Variants in PTPRN2 observed in about 807,000 individuals in gnomAD.
PTPRN2 encodes receptor-type tyrosine-protein phosphatase N2.
A neutral mutation model predicts 118.8 loss-of-function variants in PTPRN2; 74 were observed. The observed-to-expected ratio is 0.62, with a 90% CI of 0.52 to 0.76. The LOEUF (loss-of-function observed/expected upper bound fraction) is 0.76. Ranked by LOEUF, PTPRN2 falls within the 30% of genes least tolerant of loss-of-function variation. PTPRN2 has a pLI of 0.00. For synonymous variants in PTPRN2, 641 were observed against 608.0 expected, an observed-to-expected ratio of 1.05 and a Z score of -0.80; for missense variants, 1,481 against 1,394.4, an observed-to-expected ratio of 1.06 and a Z score of -0.99.
chr7:158,164,368 G>A (rs1822705586), intron 6 of PTPRN2, among the ~76,000 whole-genome samples: 1 of 37,316 alleles, frequency 2.7e-5, no homozygotes, highest in South Asian at 7.0e-4. Flanking sequence ...GGCACGCAGA[G>A]CAGGAGGGTG....
At chr7:158,336,799 T>C (rs377178478) in intron 2 of PTPRN2, among the ~76,000 whole-genome samples, 290 of 47,224 alleles carry the variant, frequency 6.1e-3, no homozygotes, top group Middle Eastern at 0.017. Flanking sequence ...GTCACTCACA[T>C]CCACACTCTC....
chr7:158,329,853 A>C (rs2151145199), intron 2 of PTPRN2, among the ~76,000 whole-genome samples: 1 of 152,264 alleles, frequency 6.6e-6, no homozygotes, highest in Non-Finnish European at 1.5e-5. Context: ...CTTTCACTTT[A>C]GACTGTAGAT....
In PTPRN2 at chr7:157,776,142, C is replaced by T. The variant is rs185913776; in HGVS notation, c.1789-93205G>A. On this transcript the variant is annotated intron_variant, in intron 12 of 22. Coordinates refer to ENST00000389418, the MANE Select transcript of PTPRN2 (RefSeq NM_002847.5). ...TTTTCACCTCCTCCCTCTCCTCCTC[C>T]CTCCTCTCCTTTTTCACCTCCTCCC... 4.8e-5 allele frequency among the ~76,000 whole-genome samples: 7 copies of T among 146,100 alleles called. No individual in the cohort carries two copies. In the East Asian group the frequency reaches 8.6e-4, roughly 18 times the overall value.
intron 2 of PTPRN2, among the ~76,000 whole-genome samples, chr7:158,437,681 C>T (rs1215383493): frequency 1.3e-5 from 2 of 152,194 alleles, no homozygotes; most frequent in African/African-American, 4.8e-5. Flanking sequence ...GCGATGGCCC[C>T]TCTTTCTTAG....
At chr7:158,341,659 A>T (rs1806834330) in intron 2 of PTPRN2, among the ~76,000 whole-genome samples, 1 of 100,074 alleles carries the variant, frequency 1.0e-5, no homozygotes, top group Non-Finnish European at 2.0e-5. Flanking sequence ...ACTCACACCC[A>T]CACTCTCACC....
chr7:158,325,175 A>G (rs553199471), intron 2 of PTPRN2, among the ~76,000 whole-genome samples: 202 of 148,742 alleles, frequency 1.4e-3, no homozygotes, highest in Admixed American at 0.013. Context: ...CCCAGGCCCC[A>G]CAATCTCCAC....
At chr7:158,559,233 C>G (rs904585719) in intron 1 of PTPRN2, among the ~76,000 whole-genome samples, 1 of 152,176 alleles carries the variant, frequency 6.6e-6, no homozygotes, top group African/African-American at 2.4e-5. Flanking sequence ...TTCTATTGCT[C>G]TCATTACACA....
intron 12 of PTPRN2, among the ~76,000 whole-genome samples, chr7:157,825,582 A>G (rs1807120711): frequency 6.6e-6 from 1 of 152,210 alleles, no homozygotes; most frequent in Non-Finnish European, 1.5e-5. Context: ...TCAGTGTATG[A>G]ATCACACCTT....
At chr7:157,955,732 G>T (rs1464458963) in intron 11 of PTPRN2, among the ~76,000 whole-genome samples, 6 of 152,192 alleles carry the variant, frequency 3.9e-5, no homozygotes, top group African/African-American at 1.2e-4. Context: ...GCCCCGCAGG[G>T]TGCTAGGGCG....
At chr7:158,470,062 G>C (rs112584937) in intron 2 of PTPRN2, among the ~76,000 whole-genome samples, 71 of 152,340 alleles carry the variant, frequency 4.7e-4, no homozygotes, top group African/African-American at 1.6e-3. Context: ...TGGGAGCTGG[G>C]ATCTGTCCTA....
intron 11 of PTPRN2, among the ~76,000 whole-genome samples, chr7:157,916,673 G>C (rs186870193): frequency 6.6e-6 from 1 of 152,204 alleles, no homozygotes; most frequent in East Asian, 1.9e-4. Context: ...GCGTGGCCTC[G>C]AGGAGATGCT....
chr7:158,259,709 G>A (rs1797262737), intron 3 of PTPRN2, among the ~76,000 whole-genome samples: 1 of 148,510 alleles, frequency 6.7e-6, no homozygotes, highest in Non-Finnish European at 1.5e-5. Context: ...TGTGTCCCGG[G>A]TGTACAGGTA....
At position 158,489,667 on chromosome 7, in the gene PTPRN2, C is replaced by T. The variant is rs1821295146; in HGVS notation, c.163+68G>A. Reference sequence around the variant, plus strand: ...CAGGCCAGCGGCGGGGCTCACCAGGCTGGGCGCTGCGCACGGCGGGCAGGA... The same window carrying T: ...CAGGCCAGCGGCGGGGCTCACCAGGTTGGGCGCTGCGCACGGCGGGCAGGA... On this transcript the variant is annotated intron_variant, in intron 2 of 22. Coordinates refer to ENST00000389418, the MANE Select transcript of PTPRN2 (RefSeq NM_002847.5). 3.4e-6 allele frequency: 5 copies of T among 1,485,296 alleles called. No homozygotes were observed. In the Admixed American group the frequency reaches 6.2e-5, roughly 19 times the overall value. The allele number at this position is 1,485,296 out of a possible 1,614,324, so 92.0% of individuals were successfully genotyped here. A position where few individuals can be genotyped will look rare whatever the true frequency, so the allele number is the denominator to read the frequency against.
At chr7:157,588,477 GC>G in intron 17 of PTPRN2, among the ~76,000 whole-genome samples, 1 of 152,316 alleles carries the variant, frequency 6.6e-6, no homozygotes, top group South Asian at 2.1e-4. Flanking sequence ...AGTCCTGCCT[GC>G]GGGGGCTTCT....
intron 12 of PTPRN2, among the ~76,000 whole-genome samples, chr7:157,879,350 C>A (rs992577910): frequency 6.6e-6 from 1 of 152,156 alleles, no homozygotes; most frequent in African/African-American, 2.4e-5. Flanking sequence ...CCAACACGCA[C>A]ACCCAAACAC....
chr7:157,613,888 G>A (rs933173888), intron 15 of PTPRN2: 9 of 381,172 alleles, frequency 2.4e-5, no homozygotes, highest in Non-Finnish European at 4.9e-5. Context: ...ACCACGAGCA[G>A]ACCTCGGCGC....
intron 11 of PTPRN2, among the ~76,000 whole-genome samples, chr7:157,958,051 T>C (rs190396237): frequency 3.1e-4 from 47 of 152,278 alleles, no homozygotes; most frequent in Admixed American, 2.7e-3. Flanking sequence ...TGCTGTACCA[T>C]GACCAAGTGG....
At chr7:158,177,316 A>G (rs1824300653) in intron 5 of PTPRN2, among the ~76,000 whole-genome samples, 2 of 152,252 alleles carry the variant, frequency 1.3e-5, no homozygotes, top group African/African-American at 4.8e-5. Flanking sequence ...GGTTTTGTGA[A>G]TAAGGATGCT....
At chr7:158,513,229 A>G (rs903119512) in intron 1 of PTPRN2, among the ~76,000 whole-genome samples, 7 of 152,222 alleles carry the variant, frequency 4.6e-5, no homozygotes, top group African/African-American at 1.7e-4. Context: ...CTTCCTCCCC[A>G]GAACTCAAAC....
Sources: allele counts gnomAD v4.1 joint callset (sites outside exome capture counted in the v4.1 genomes callset), GRCh38; gene constraint gnomAD v4.1.1; transcripts MANE v1.5; gene names NCBI Gene and HGNC (gene_info 2026-07-23, HGNC 2026-07-21).